The following GOLGA1 variants were observed in gnomAD, a reference collection of about 807,000 sequenced individuals.
The protein encoded by GOLGA1 is golgin subfamily A member 1.
Under a neutral mutation model 119.7 loss-of-function variants are expected in GOLGA1, and 63 were observed. The ratio of observed to expected loss-of-function variants is 0.53; its 90% CI spans 0.43 to 0.65. GOLGA1 has a LOEUF of 0.65. Among genes scored for constraint, GOLGA1 ranks in the 30% least tolerant of loss-of-function variants. The pLI is 0.00. For missense variants in GOLGA1, 798 were observed against 912.8 expected (o/e 0.87, Z 1.62); for synonymous variants, 318 against 333.4 (o/e 0.95, Z 0.50).
chr9:124,907,082 C>T (rs1043652271), intron 12 of GOLGA1, among the ~76,000 whole-genome samples: 1 of 151,966 alleles, frequency 6.6e-6, no homozygotes, highest in African/African-American at 2.4e-5. Context: ...GAGAATTTGT[C>T]TTATTGGGTG....
chr9:124,883,276 T>C (rs1363321977), intron 19 of GOLGA1, among the ~76,000 whole-genome samples: 1 of 151,262 alleles, frequency 6.6e-6, no homozygotes, highest in Non-Finnish European at 1.5e-5. Context: ...TTTGTCTTTT[T>C]CTTCTTCTTC....
Position 124,882,497 on chromosome 9 carries a change from T to C in GOLGA1, c.1965+13A>G, listed in dbSNP as rs573063696. On this transcript the variant is annotated intron_variant, in intron 20 of 22. Transcript: ENST00000373555. ...TGCTGGGAAGTGGGGCCAGCTCCCATGCGAGTACTCACCAGCTCCTTCTGC... is the reference window on the plus strand; with the variant it reads ...TGCTGGGAAGTGGGGCCAGCTCCCACGCGAGTACTCACCAGCTCCTTCTGC... 3 of 1,602,824 alleles carry C rather than the reference T, an allele frequency of 1.9e-6. No individual in the cohort carries two copies. The highest frequency in any genetic ancestry group is 2.2e-5 in the East Asian group (1 of 44,842).
intron 1 of GOLGA1, among the ~76,000 whole-genome samples, 178 bp downstream of exon 1, chr9:124,940,793 C>T (rs1416481584): frequency 6.6e-6 from 1 of 152,198 alleles, no homozygotes; most frequent in Non-Finnish European, 1.5e-5. Context: ...GAACCCTAGG[C>T]TCCAGACTCC....
intron 10 of GOLGA1, among the ~76,000 whole-genome samples, chr9:124,916,877 CAA>C (rs71494043): frequency 2.4e-5 from 1 of 41,216 alleles, no homozygotes; most frequent in Non-Finnish European, 4.1e-5. Context: ...CCCTGACACA[CAA>C]AAAAAAAAAA....
Position 124,881,395 on chromosome 9 carries a change from T to C in GOLGA1, c.2137-138A>G, listed in dbSNP as rs1007278037. ...GGTGACGCTCTGGCACTCTGAAGTTTGGCAGCAATGATAGGTTCTTTCTTC... is the reference window on the plus strand; with the variant it reads ...GGTGACGCTCTGGCACTCTGAAGTTCGGCAGCAATGATAGGTTCTTTCTTC... On this transcript the variant is annotated intron_variant, in intron 21 of 22. Transcript: ENST00000373555. The surrounding 1 kb of genome is among the most constrained non-coding windows in gnomAD (Gnocchi z 4.9). 1 of 683,786 alleles carries C rather than the reference T, an allele frequency of 1.5e-6. No homozygotes were observed. The highest frequency in any genetic ancestry group is 1.6e-5 in the South Asian group (1 of 60,748). The allele number at this position is 683,786 out of a possible 1,614,324, so 42.4% of individuals were successfully genotyped here.
At chr9:124,911,697 CT>C (rs148974350) in intron 11 of GOLGA1, among the ~76,000 whole-genome samples, 1,727 of 152,324 alleles carry the variant, frequency 0.011, 89 homozygotes, top group Admixed American at 0.083. Flanking sequence ...GAATACAGCT[CT>C]CCCTTTCCCT....
intron 15 of GOLGA1, among the ~76,000 whole-genome samples, chr9:124,898,129 C>G (rs10819005): frequency 0.2 from 30,941 of 152,052 alleles, 3,538 homozygotes; most frequent in African/African-American, 0.28. Context: ...ACAAGCAAAA[C>G]AAAGGTCCTT....
At chr9:124,936,462 A>T (rs1301993137) in intron 3 of GOLGA1, among the ~76,000 whole-genome samples, 1 of 151,998 alleles carries the variant, frequency 6.6e-6, no homozygotes, top group Non-Finnish European at 1.5e-5. Context: ...ATCTTTAGAG[A>T]CAGAGTCTTG....
intron 10 of GOLGA1, among the ~76,000 whole-genome samples, chr9:124,914,416 G>C (rs1257722493): frequency 6.6e-6 from 1 of 152,178 alleles, no homozygotes; most frequent in African/African-American, 2.4e-5. Context: ...CGGGAGAACG[G>C]CGTGAACCTG....
At chr9:124,891,503 T>C (rs890970066) in intron 15 of GOLGA1, among the ~76,000 whole-genome samples, 5 of 152,360 alleles carry the variant, frequency 3.3e-5, no homozygotes, top group East Asian at 3.9e-4. Context: ...CCCTTCTTAG[T>C]AGCTGATGGA....
At chr9:124,937,490 G>A (rs942605278) in intron 3 of GOLGA1, among the ~76,000 whole-genome samples, 4 of 151,822 alleles carry the variant, frequency 2.6e-5, no homozygotes, top group African/African-American at 9.7e-5. Context: ...AATTAGCCGG[G>A]TGTGGTCGTG....
At chr9:124,909,465 G>A (rs1038601198) in intron 11 of GOLGA1, among the ~76,000 whole-genome samples, 1 of 151,902 alleles carries the variant, frequency 6.6e-6, no homozygotes, top group African/African-American at 2.4e-5. Context: ...AAAATTAGCT[G>A]GATGTGGTGG....
At chr9:124,905,410 C>T (rs1000774769) in intron 12 of GOLGA1, among the ~76,000 whole-genome samples, 67 of 151,984 alleles carry the variant, frequency 4.4e-4, no homozygotes, top group African/African-American at 1.5e-3. Context: ...TGCAGTGAGC[C>T]GAGATCATGC....
At position 124,941,015 on chromosome 9, in the gene GOLGA1, C is replaced by G. The variant is rs907875500; in HGVS notation, c.-250G>C. On this transcript the variant is annotated 5_prime_UTR_variant, in exon 1 of 23. Coordinates refer to ENST00000373555, the MANE Select transcript of GOLGA1 (RefSeq NM_002077.4). The stretch of plus-strand genomic sequence containing the variant: ...CAGCAAAGCCCCGCCTCCCGGGCCT[C>G]TCGTGAGCCCCGGCCCGCGTCACCA... 1 of 152,434 alleles carries G rather than the reference C, an allele frequency of 6.6e-6. No homozygotes were observed. The highest frequency in any genetic ancestry group is 2.4e-5 in the African/African-American group (1 of 41,460). The allele number at this position is 152,434 out of a possible 1,614,324, so 9.4% of individuals were successfully genotyped here.
At chr9:124,918,407 T>C (rs951906672) in intron 10 of GOLGA1, among the ~76,000 whole-genome samples, 1 of 152,204 alleles carries the variant, frequency 6.6e-6, no homozygotes, top group Non-Finnish European at 1.5e-5. Flanking sequence ...GACCAAAGTC[T>C]GGACTTCCCT....
chr9:124,901,429 C>T (rs1372610708), intron 12 of GOLGA1, among the ~76,000 whole-genome samples: 1 of 147,648 alleles, frequency 6.8e-6, no homozygotes, highest in African/African-American at 2.5e-5. Context: ...CGCCACCACG[C>T]CCAGCTATTT....
chr9:124,929,215 C>T lies in GOLGA1; in HGVS notation c.301+1G>A. On this transcript the variant is annotated splice_donor_variant, in intron 5 of 22. Coordinates refer to ENST00000373555, the MANE Select transcript of GOLGA1 (RefSeq NM_002077.4). LOFTEE classifies it high-confidence loss of function. The stretch of plus-strand genomic sequence containing the variant: ...GAAAAAAGCAGGAAAAAAATACGTA[C>T]AATCCTGGTGTTTTTCTAATGCAAT... 1 of 1,571,300 alleles carries T rather than the reference C, an allele frequency of 6.4e-7. No homozygotes were observed. Among genetic ancestry groups the T allele is most frequent in the Non-Finnish European group, 8.8e-7 (1 of 1,141,192 alleles).
chr9:124,921,977 C>G (rs1830579435), intron 8 of GOLGA1, 85 bp from the exon 9 acceptor site: 1 of 1,178,164 alleles, frequency 8.5e-7, no homozygotes, highest in African/African-American at 1.5e-5. Context: ...CCTGTAATCC[C>G]AACACTTTGG....
At chr9:124,940,365 C>G (rs1740337737) in intron 1 of GOLGA1, among the ~76,000 whole-genome samples, 1 of 152,190 alleles carries the variant, frequency 6.6e-6, no homozygotes, top group African/African-American at 2.4e-5. Flanking sequence ...GCTTCACTTA[C>G]AAGCGCATAG....
Sources: allele counts gnomAD v4.1 joint callset (sites outside exome capture counted in the v4.1 genomes callset), GRCh38; gene constraint gnomAD v4.1.1; non-coding constraint Gnocchi (gnomAD v3.1); transcripts MANE v1.5; gene names NCBI Gene and HGNC (gene_info 2026-07-23, HGNC 2026-07-21).